TCERG1L: variants seen among roughly 807,000 people sequenced by gnomAD.
The protein encoded by TCERG1L is transcription elongation regulator 1-like protein.
In TCERG1L, 37 loss-of-function variants were observed where a neutral mutation model predicts 56.3. The ratio of observed to expected loss-of-function variants is 0.66; its 90% CI spans 0.51 to 0.87. TCERG1L has a LOEUF of 0.87. Among genes scored for constraint, TCERG1L ranks in the 40% least tolerant of loss-of-function variants. The pLI is 0.00. For missense variants in TCERG1L, 799 were observed against 774.2 expected, an observed-to-expected ratio of 1.03 and a Z score of -0.38; for synonymous variants, 324 against 326.3, an observed-to-expected ratio of 0.99 and a Z score of 0.08.
chr10:131,249,322 C>T (rs182720481), intron 4 of TCERG1L, among the ~76,000 whole-genome samples: 18 of 152,356 alleles, frequency 1.2e-4, no homozygotes, highest in Admixed American at 2.0e-4. Context: ...GAAAGCCACC[C>T]GGCTACCCCA....
intron 4 of TCERG1L, among the ~76,000 whole-genome samples, chr10:131,231,077 G>A (rs1022909506): frequency 4.0e-5 from 6 of 150,796 alleles, no homozygotes; most frequent in African/African-American, 1.5e-4. Context: ...GACCTGGAGG[G>A]GGGCAGTGGC....
intron 4 of TCERG1L, among the ~76,000 whole-genome samples, chr10:131,227,640 C>T (rs368868699): frequency 1.3e-5 from 2 of 152,228 alleles, no homozygotes; most frequent in African/African-American, 4.8e-5. Flanking sequence ...GTCAGCTCAG[C>T]CTCACCTCCA....
intron 3 of TCERG1L, among the ~76,000 whole-genome samples, chr10:131,284,090 C>T (rs1183415906): frequency 1.4e-5 from 2 of 144,846 alleles, no homozygotes; most frequent in African/African-American, 2.6e-5. Flanking sequence ...CGAACTACTG[C>T]ACTCCAGCCT....
chr10:131,275,624 T>C (rs1220976459), intron 3 of TCERG1L, among the ~76,000 whole-genome samples: 1 of 152,100 alleles, frequency 6.6e-6, no homozygotes, highest in Non-Finnish European at 1.5e-5. Context: ...GTTTCCATCA[T>C]TAAGAAACAA....
chr10:131,117,041 C>T, intron 8 of TCERG1L, 107 bp from the exon 9 acceptor site: 1 of 1,382,976 alleles, frequency 7.2e-7, no homozygotes, highest in Non-Finnish European at 9.6e-7. Flanking sequence ...GAAGCACAGT[C>T]TCCTTGACAA....
At chr10:131,305,782 G>A (rs1460559577) in intron 3 of TCERG1L, among the ~76,000 whole-genome samples, 1 of 151,646 alleles carries the variant, frequency 6.6e-6, no homozygotes, top group African/African-American at 2.4e-5. Flanking sequence ...CTGATTCTAA[G>A]GCCACTTATT....
At chr10:131,117,966 C>A (rs907453874) in intron 8 of TCERG1L, among the ~76,000 whole-genome samples, 4 of 152,152 alleles carry the variant, frequency 2.6e-5, no homozygotes, top group Admixed American at 2.0e-4. Flanking sequence ...TGCCTGGGGG[C>A]AGGTCCGTCG....
intron 6 of TCERG1L, among the ~76,000 whole-genome samples, chr10:131,153,196 G>A (rs1845884012): frequency 6.6e-6 from 1 of 152,128 alleles, no homozygotes; most frequent in Non-Finnish European, 1.5e-5. Flanking sequence ...AGGACGCTGG[G>A]TGCATGGCCT....
intron 4 of TCERG1L, among the ~76,000 whole-genome samples, chr10:131,193,493 C>A (rs942123227): frequency 6.6e-6 from 1 of 152,160 alleles, no homozygotes; most frequent in Admixed American, 6.5e-5. Context: ...ATGTTTAAGT[C>A]TTTTATCCTT....
At chr10:131,096,529 A>G (rs1025079928) in intron 11 of TCERG1L, among the ~76,000 whole-genome samples, 3 of 152,208 alleles carry the variant, frequency 2.0e-5, no homozygotes, top group Non-Finnish European at 2.9e-5. Flanking sequence ...TAGGTCACCT[A>G]ATTCTTGATC....
intron 3 of TCERG1L, among the ~76,000 whole-genome samples, chr10:131,265,352 ACT>A (rs1371075657): frequency 6.6e-6 from 1 of 152,230 alleles, no homozygotes; most frequent in African/African-American, 2.4e-5. Context: ...AAATTTTAAC[ACT>A]CTGATTCATT....
chr10:131,248,019 T>TCA (rs1394412380), intron 4 of TCERG1L, among the ~76,000 whole-genome samples: 2 of 147,856 alleles, frequency 1.4e-5, no homozygotes, highest in East Asian at 2.0e-4. Context: ...ATGCATACAC[T>TCA]CACACACACA....
At chr10:131,218,320 T>C (rs541169970) in intron 4 of TCERG1L, among the ~76,000 whole-genome samples, 36 of 152,116 alleles carry the variant, frequency 2.4e-4, no homozygotes, top group Non-Finnish European at 4.4e-4. Flanking sequence ...ACAGAAACAA[T>C]GCACAGCCCT....
chr10:131,213,005 C>T (rs1845633369), intron 4 of TCERG1L, among the ~76,000 whole-genome samples: 1 of 152,218 alleles, frequency 6.6e-6, no homozygotes, highest in Admixed American at 6.5e-5. Context: ...CTTTAGTCAC[C>T]CATCAGCTGA....
intron 3 of TCERG1L, among the ~76,000 whole-genome samples, chr10:131,282,146 A>G (rs564660562): frequency 0.048 from 5,507 of 114,652 alleles, 140 homozygotes; most frequent in African/African-American, 0.073. Context: ...AGAAAAAAAA[A>G]AAAAAAAAAA....
chr10:131,288,477 G>A (rs1025675866), intron 3 of TCERG1L, among the ~76,000 whole-genome samples: 1 of 152,126 alleles, frequency 6.6e-6, no homozygotes, highest in Non-Finnish European at 1.5e-5. Flanking sequence ...GACGCACTGT[G>A]GGATACCCGC....
chr10:131,105,007 A>C (rs7910796), intron 9 of TCERG1L, among the ~76,000 whole-genome samples: 106,307 of 152,096 alleles, frequency 0.7, 37,521 homozygotes, highest in African/African-American at 0.81. Flanking sequence ...CATTTCTGCC[A>C]AGGACCTCAT....
chr10:131,208,126 G>A (rs796126153), intron 4 of TCERG1L, among the ~76,000 whole-genome samples: 2 of 152,222 alleles, frequency 1.3e-5, no homozygotes, highest in Non-Finnish European at 2.9e-5. Context: ...AAGAAAGGAC[G>A]GGACTAGGTG....
intron 4 of TCERG1L, among the ~76,000 whole-genome samples, chr10:131,197,214 G>T (rs1164628355): frequency 2.0e-5 from 3 of 148,814 alleles, no homozygotes; most frequent in African/African-American, 7.5e-5. Context: ...GTCTCACTCT[G>T]TTGCACTGCC....
Sources: allele counts gnomAD v4.1 joint callset (sites outside exome capture counted in the v4.1 genomes callset), GRCh38; gene constraint gnomAD v4.1.1; transcripts MANE v1.5; gene names NCBI Gene and HGNC (gene_info 2026-07-23, HGNC 2026-07-21).